GLIS1: variants seen among roughly 807,000 people sequenced by gnomAD.
GLIS1 encodes zinc finger protein GLIS1.
Under a neutral mutation model 63.8 loss-of-function variants are expected in GLIS1, and 24 were observed. The ratio of observed to expected loss-of-function variants is 0.38; its 90% CI spans 0.27 to 0.53. The LOEUF is 0.53. Ranked by LOEUF, GLIS1 falls within the 20% of genes least tolerant of loss-of-function variation. GLIS1 has a pLI of 0.85. For missense variants in GLIS1, 1,036 were observed against 1,074.1 expected, an observed-to-expected ratio of 0.96 and a Z score of 0.50; for synonymous variants, 450 against 482.5, an observed-to-expected ratio of 0.93 and a Z score of 0.88.
At chr1:53,607,105 G>GA (rs1261015821) in intron 2 of GLIS1, among the ~76,000 whole-genome samples, 2 of 137,932 alleles carry the variant, frequency 1.4e-5, no homozygotes, top group African/African-American at 2.7e-5. Context: ...ATTTATTGTA[G>GA]AAAAAATCAG....
chr1:53,685,524 G>A (rs1646327166), intron 2 of GLIS1, among the ~76,000 whole-genome samples: 1 of 152,226 alleles, frequency 6.6e-6, no homozygotes, highest in Non-Finnish European at 1.5e-5. Context: ...CCTGGTACCT[G>A]ATTTTTACAA....
chr1:53,645,557 G>A (rs1396963496), intron 2 of GLIS1, among the ~76,000 whole-genome samples: 1 of 152,208 alleles, frequency 6.6e-6, no homozygotes, highest in East Asian at 1.9e-4. Flanking sequence ...TGGCAGGCCA[G>A]GGTGATAGGG....
intron 2 of GLIS1, among the ~76,000 whole-genome samples, chr1:53,644,289 C>T (rs1645818646): frequency 1.3e-5 from 2 of 152,218 alleles, no homozygotes; most frequent in South Asian, 4.1e-4. Context: ...CAGCCTCTCA[C>T]TCTGCCATGA....
intron 2 of GLIS1, among the ~76,000 whole-genome samples, chr1:53,736,471 T>C (rs113587132): frequency 0.012 from 1,877 of 152,248 alleles, 49 homozygotes; most frequent in African/African-American, 0.043. Context: ...GGATTGTGTA[T>C]GGAGCGGGGC....
At chr1:53,684,751 C>T (rs1646312690) in intron 2 of GLIS1, among the ~76,000 whole-genome samples, 4 of 152,252 alleles carry the variant, frequency 2.6e-5, no homozygotes, top group Admixed American at 2.0e-4. Flanking sequence ...CCTGCCTCTC[C>T]TCTCCTCCTG....
chr1:53,619,351 T>C (rs1224334471), intron 2 of GLIS1, among the ~76,000 whole-genome samples: 1 of 152,216 alleles, frequency 6.6e-6, no homozygotes, highest in East Asian at 1.9e-4. Context: ...TGCCTTCCCT[T>C]ATCCTTCTTT....
chr1:53,702,174 C>G (rs1646530888), intron 2 of GLIS1, among the ~76,000 whole-genome samples: 1 of 152,134 alleles, frequency 6.6e-6, no homozygotes, highest in Non-Finnish European at 1.5e-5. Context: ...CCCACCATCA[C>G]AGCAGCAGGG....
intron 2 of GLIS1, among the ~76,000 whole-genome samples, chr1:53,679,543 C>T (rs935108943): frequency 5.3e-5 from 8 of 152,184 alleles, no homozygotes; most frequent in Admixed American, 6.5e-5. Context: ...GCTGCCTGGC[C>T]CCTCCTGTTC....
At chr1:53,691,682 A>G (rs913653964) in intron 2 of GLIS1, among the ~76,000 whole-genome samples, 5 of 151,856 alleles carry the variant, frequency 3.3e-5, no homozygotes, top group Non-Finnish European at 5.9e-5. Flanking sequence ...CAAATCATAC[A>G]CTGGCCGAGC....
At chr1:53,613,422 G>A (rs1275713128) in intron 2 of GLIS1, among the ~76,000 whole-genome samples, 1 of 152,100 alleles carries the variant, frequency 6.6e-6, no homozygotes, top group Non-Finnish European at 1.5e-5. Context: ...CAAAGAATAT[G>A]CAAAATTTTA....
chr1:53,590,284 A>C (rs971449992), intron 4 of GLIS1, among the ~76,000 whole-genome samples: 1 of 152,120 alleles, frequency 6.6e-6, no homozygotes, highest in Non-Finnish European at 1.5e-5. Context: ...ACAGCTGCCA[A>C]GTGACTAAAC....
rs543216697 is a variant in GLIS1 at position 53,573,510 on chromosome 1, GAC to G, written c.1320+20596_1320+20597del. ...CACATTCCCAGACCTACGTTGTATG[GAC>G]ACACACAGAGATGTGCAGACACACA... On this transcript the variant is annotated intron_variant, in intron 4 of 10. Coordinates refer to ENST00000628545, the MANE Select transcript of GLIS1 (RefSeq NM_001367484.1). 3.8e-4 allele frequency among the ~76,000 whole-genome samples: 58 copies of G among 152,236 alleles called. 1 individual carries two copies. The highest frequency in any genetic ancestry group is 1.7e-3 in the South Asian group (8 of 4,816).
intron 2 of GLIS1, among the ~76,000 whole-genome samples, chr1:53,648,830 G>A (rs950091127): frequency 6.6e-6 from 1 of 152,198 alleles, no homozygotes; most frequent in Non-Finnish European, 1.5e-5. Context: ...CTTGAAGAAG[G>A]AGGCAGGGAG....
chr1:53,721,283 C>T (rs1418587828), intron 2 of GLIS1, among the ~76,000 whole-genome samples: 3 of 152,130 alleles, frequency 2.0e-5, no homozygotes, highest in African/African-American at 4.8e-5. Flanking sequence ...TCACCAGCTG[C>T]GTAACCCTGG....
intron 2 of GLIS1, among the ~76,000 whole-genome samples, chr1:53,616,962 C>A (rs1173814975): frequency 6.6e-6 from 1 of 152,074 alleles, no homozygotes; most frequent in Admixed American, 6.5e-5. Context: ...CTGAACCCAC[C>A]CAGATCCCAG....
At chr1:53,515,079 A>ATGTGTGTGTGTGTGTG (rs5774151) in intron 7 of GLIS1, among the ~76,000 whole-genome samples, 5 of 141,994 alleles carry the variant, frequency 3.5e-5, no homozygotes, top group African/African-American at 1.3e-4. Context: ...GTGTGTGTAT[A>ATGTGTGTGTGTGTGTG]TGTGTGTGTG....
rs757930445 is a variant in GLIS1 at position 53,514,580 on chromosome 1, T to TC, written c.1883+44dup. 3.1e-6 allele frequency: 5 copies of TC among 1,588,756 alleles called. No individual in the cohort carries two copies. The African/African-American group carries it at 5.4e-5, about 17-fold the overall frequency. ...CTGCTCTCCCTGCCTCCCCCCGAGA[T>TC]CCCCCCTTGTTGCCCCTGGAGGAGG... is the stretch of plus-strand genomic sequence containing the variant. On this transcript the variant is annotated intron_variant, in intron 8 of 10. Coordinates refer to ENST00000628545, the MANE Select transcript of GLIS1 (RefSeq NM_001367484.1).
chr1:53,506,634 G>A lies in GLIS1; in HGVS notation c.2373C>T (p.Ile791=), dbSNP rs1644234916. ...FDHCLGHIPS[I]YTDT is the part of the protein sequence containing the mutation. The stretch of plus-strand genomic sequence containing the variant: ...GGGGGCTCCTTCAGGTGTCTGTGTA[G>A]ATGGAGGGGATGTGGCCCAGGCAGT... The change falls in exon 11 of 11, where the codon ATC becomes ATT. Residue 791 remains isoleucine, a synonymous_variant. Coordinates refer to ENST00000628545, the MANE Select transcript of GLIS1 (RefSeq NM_001367484.1). The A allele has an allele frequency of 6.2e-7, 1 of 1,613,416 alleles. No individual in the cohort carries two copies. Among genetic ancestry groups the A allele is most frequent in the African/African-American group, 1.3e-5 (1 of 74,936 alleles).
intron 4 of GLIS1, among the ~76,000 whole-genome samples, chr1:53,558,787 C>A (rs1451911582): frequency 6.6e-6 from 1 of 152,176 alleles, no homozygotes; most frequent in East Asian, 1.9e-4. Context: ...TACCCTGCAC[C>A]ATTCACCCTG....
Sources: gnomAD v4.1 joint callset for allele counts (sites outside exome capture counted in the v4.1 genomes callset) on GRCh38, gnomAD v4.1.1 for gene constraint, MANE v1.5 for transcripts, NCBI Gene and HGNC (gene_info 2026-07-23, HGNC 2026-07-21) for gene names.